Variants in VEZT observed in about 807,000 individuals in gnomAD.
The protein encoded by VEZT is vezatin.
VEZT carries 39 observed loss-of-function variants against 79.9 expected under a neutral mutation model. The observed-to-expected ratio is 0.49, with a 90% CI of 0.38 to 0.64. The LOEUF (loss-of-function observed/expected upper bound fraction) is 0.64, where lower values mean the gene tolerates loss of function less well. Among genes scored for constraint, VEZT ranks in the 30% least tolerant of loss-of-function variants. The pLI is 0.00. For synonymous variants in VEZT, 325 were observed against 327.6 expected (o/e 0.99, Z 0.09); for missense variants, 837 against 893.1 (o/e 0.94, Z 0.80).
At chr12:95,265,450 T>C (rs1485016744) in intron 4 of VEZT, among the ~76,000 whole-genome samples, 2 of 149,140 alleles carry the variant, frequency 1.3e-5, no homozygotes, top group African/African-American at 5.0e-5. Context: ...ATCTAGTATG[T>C]GTTTCTATGC....
At chr12:95,258,173 T>C in intron 3 of VEZT, 1 of 442,096 alleles carries the variant, frequency 2.3e-6, no homozygotes, top group Non-Finnish European at 4.5e-6. Context: ...CAGGGTTTCA[T>C]CTTTGTTGAA....
chr12:95,219,996 T>TTGTCATAC (rs1175937155), intron 1 of VEZT, among the ~76,000 whole-genome samples: 1 of 152,232 alleles, frequency 6.6e-6, no homozygotes, highest in African/African-American at 2.4e-5. Flanking sequence ...TACTAAGCCT[T>TTGTCATAC]TGTCATACTT....
At chr12:95,227,565 T>C (rs1023414791) in intron 1 of VEZT, among the ~76,000 whole-genome samples, 1 of 152,164 alleles carries the variant, frequency 6.6e-6, no homozygotes, top group Non-Finnish European at 1.5e-5. Context: ...TGTCTCGAAC[T>C]CCTGACCTCA....
Position 95,300,185 on chromosome 12 carries a change from C to T in VEZT, c.1852C>T (p.Pro618Ser), listed in dbSNP as rs1208706406. The T allele has an allele frequency of 3.3e-6, 5 of 1,532,288 alleles. No homozygotes were observed. The African/African-American group carries it at 7.0e-5, about 21-fold the overall frequency. The allele number at this position is 1,532,288 out of a possible 1,614,324, so 94.9% of individuals were successfully genotyped here. The change falls in exon 12 of 12, where the codon CCT becomes TCT. Residue 618 changes from proline (P) to serine (S), a missense_variant. Pro to Ser is a moderately conservative substitution (Grantham distance 74). Coordinates refer to ENST00000436874, the MANE Select transcript of VEZT (RefSeq NM_017599.4). ...SDHAVLKSLS[P>S]VDPVEPISNS... ...TGAAGCCGTGTTGAAATCCTTGTCT[C>T]CTGTAGACCCAGTGGAACCCATAAG... is the stretch of plus-strand genomic sequence containing the variant.
chr12:95,274,946 T>A lies in VEZT; in HGVS notation c.996+57T>A, dbSNP rs563157018. On this transcript the variant is annotated intron_variant, in intron 7 of 11. Transcript: ENST00000436874. Reference sequence around the variant, plus strand: ...AAAAAATAGATGCACTTGGATTGTGTCTATGCTTTCTGAATGTAAATAGTG... The same window carrying A: ...AAAAAATAGATGCACTTGGATTGTGACTATGCTTTCTGAATGTAAATAGTG... 5 of 1,563,064 alleles carry A rather than the reference T, an allele frequency of 3.2e-6. No homozygotes were observed. The South Asian group carries it at 4.9e-5, about 15-fold the overall frequency.
rs2073674718 is a variant in VEZT, at chr12:95,294,312, A to G, written c.1563A>G (p.Val521=). The change falls in exon 10 of 12, where the codon GTA becomes GTG. Residue 521 remains valine (V), a synonymous_variant. Transcript: ENST00000436874. ...EIACENPHCT[V]VPLKQPTLHI... ...CATGTGAAAACCCACATTGTACAGT[A>G]GTACCTTTGAAGCAGCCTACTCTAC... 6.3e-7 allele frequency: 1 copy of G among 1,594,078 alleles called. No homozygotes were observed. Among genetic ancestry groups the G allele is most frequent in the Admixed American group, 1.8e-5 (1 of 57,004 alleles).
At chr12:95,277,946 G>A (rs888657183) in intron 7 of VEZT, among the ~76,000 whole-genome samples, 1 of 152,188 alleles carries the variant, frequency 6.6e-6, no homozygotes, top group Non-Finnish European at 1.5e-5. Context: ...TGCTGTTGAT[G>A]TACTGTTTTT....
At chr12:95,241,555 G>T (rs1417408012) in intron 1 of VEZT, among the ~76,000 whole-genome samples, 4 of 151,920 alleles carry the variant, frequency 2.6e-5, no homozygotes, top group Non-Finnish European at 5.9e-5. Context: ...AATTCCTCCT[G>T]CCTTGGCCTC....
At position 95,262,839 on chromosome 12, in the gene VEZT, G is replaced by T. The variant is rs1039949434; in HGVS notation, c.259-67G>T. Reference sequence around the variant, plus strand: ...ACCACCAAATTTTATTAGTACATTAGGAGCTTAGCGTTTAATGCAATATTA... The same window carrying T: ...ACCACCAAATTTTATTAGTACATTATGAGCTTAGCGTTTAATGCAATATTA... On this transcript the variant is annotated intron_variant, in intron 3 of 11. Transcript: ENST00000436874. The T allele has an allele frequency of 8.1e-6, 11 of 1,351,468 alleles. No homozygotes were observed. The Admixed American group carries it at 2.6e-4, about 32-fold the overall frequency. The allele number at this position is 1,351,468 out of a possible 1,614,324, so 83.7% of individuals were successfully genotyped here.
intron 1 of VEZT, among the ~76,000 whole-genome samples, chr12:95,230,099 C>T (rs912299391): frequency 7.1e-5 from 9 of 126,466 alleles, no homozygotes; most frequent in African/African-American, 1.4e-4. Context: ...AGAGAGATTC[C>T]GTCTCAAAAA....
rs531028274 is a variant in VEZT at position 95,294,154 on chromosome 12, T to A, written c.1523-118T>A. Reference sequence around the variant, plus strand: ...CTCCTGCCTCAGCCTCCCGAAGTGCTGGGATTACAGGCATGAGCCACCACA... The same window carrying A: ...CTCCTGCCTCAGCCTCCCGAAGTGCAGGGATTACAGGCATGAGCCACCACA... On this transcript the variant is annotated intron_variant, in intron 9 of 11. Transcript: ENST00000436874. 1.5e-3 allele frequency: 1,137 copies of A among 737,842 alleles called. 1 individual carries two copies. Among genetic ancestry groups the A allele is most frequent in the Non-Finnish European group, 2.2e-3 (995 of 451,140 alleles). The allele number at this position is 737,842 out of a possible 1,614,324, so 45.7% of individuals were successfully genotyped here.
chr12:95,236,025 G>A (rs1361874536), intron 1 of VEZT, among the ~76,000 whole-genome samples: 1 of 152,106 alleles, frequency 6.6e-6, no homozygotes, highest in Non-Finnish European at 1.5e-5. Flanking sequence ...CGGGGTGGCG[G>A]CTGGGCAGAG....
intron 1 of VEZT, among the ~76,000 whole-genome samples, chr12:95,229,706 T>G (rs7308542): frequency 0.15 from 23,476 of 152,118 alleles, 1,889 homozygotes; most frequent in African/African-American, 0.18. Context: ...CCAGGTGTTC[T>G]CTGAGTTCCT....
In VEZT at chr12:95,244,683, G is replaced by C. The variant is rs574991927; in HGVS notation, c.37-7257G>C. On this transcript the variant is annotated intron_variant, in intron 1 of 11. Coordinates refer to ENST00000436874, the MANE Select transcript of VEZT (RefSeq NM_017599.4). ...GTTCACTGTAACCTCTGCCTCCCAGGTTTAAACCATCCTCCCTCCCACCTC... is the reference window on the plus strand; with the variant it reads ...GTTCACTGTAACCTCTGCCTCCCAGCTTTAAACCATCCTCCCTCCCACCTC... 4.6e-5 allele frequency among the ~76,000 whole-genome samples: 7 copies of C among 150,608 alleles called. No individual in the cohort carries two copies. The South Asian group carries it at 1.5e-3, about 32-fold the overall frequency.
intron 7 of VEZT, among the ~76,000 whole-genome samples, chr12:95,277,031 CCTAGTCCCAGCCACCATG>C (rs987956095): frequency 6.6e-5 from 10 of 152,010 alleles, no homozygotes; most frequent in African/African-American, 1.2e-4. Flanking sequence ...CCCGCACCAT[CCTAGTCCCAGCCACCATG>C]CTAGTCCCAG....
intron 1 of VEZT, among the ~76,000 whole-genome samples, chr12:95,240,018 A>AG (rs2060745558): frequency 9.0e-6 from 1 of 110,634 alleles, no homozygotes; most frequent in Non-Finnish European, 1.9e-5. Context: ...GAAAGAGAGA[A>AG]AGAAAGGAAG....
chr12:95,253,430 T>A (rs2062937567), intron 2 of VEZT, among the ~76,000 whole-genome samples: 1 of 152,222 alleles, frequency 6.6e-6, no homozygotes, highest in African/African-American at 2.4e-5. Context: ...AGAGCTCACA[T>A]GGATCAGAAC....
chr12:95,249,522 A>T (rs7967229), intron 1 of VEZT, among the ~76,000 whole-genome samples: 73,488 of 151,784 alleles, frequency 0.48, 18,138 homozygotes, highest in African/African-American at 0.57. Context: ...TTACTTTTTT[A>T]AAAAATATTT....
intron 5 of VEZT, among the ~76,000 whole-genome samples, chr12:95,267,976 T>A (rs1430209778): frequency 6.6e-6 from 1 of 151,822 alleles, no homozygotes; most frequent in African/African-American, 2.4e-5. Flanking sequence ...GAGCCAAGAT[T>A]GTGCCACTGC....
Sources: allele counts gnomAD v4.1 joint callset (sites outside exome capture counted in the v4.1 genomes callset), GRCh38; gene constraint gnomAD v4.1.1; transcripts MANE v1.5; gene names NCBI Gene and HGNC (gene_info 2026-07-23, HGNC 2026-07-21).